DNAJC13: variants seen among roughly 807,000 people sequenced by gnomAD.
DNAJC13 encodes the protein dnaJ homolog subfamily C member 13.
DNAJC13 carries 75 observed loss-of-function variants against 290.5 expected under a neutral mutation model. The observed-to-expected ratio is 0.26, with a 90% CI of 0.21 to 0.31. The LOEUF is 0.31. DNAJC13 is among the 10% of genes least tolerant of loss of function. DNAJC13 has a pLI of 1.00. For synonymous variants in DNAJC13, 862 were observed against 892.0 expected (o/e 0.97, Z 0.60); for missense variants, 2,260 against 2,674.5 (o/e 0.85, Z 3.42).
At position 132,510,577 on chromosome 3, in the gene DNAJC13, A is replaced by C. The variant is rs145076342; in HGVS notation, c.5116-490A>C. Among the ~76,000 whole-genome samples, 174 of 152,242 alleles carry C rather than the reference A, an allele frequency of 1.1e-3. 1 individual carries two copies. Among genetic ancestry groups the C allele is most frequent in the Non-Finnish European group, 1.8e-3 (125 of 68,008 alleles). On this transcript the variant is annotated intron_variant, in intron 43 of 55. Coordinates refer to ENST00000260818, the MANE Select transcript of DNAJC13 (RefSeq NM_015268.4). ...TTGATTTGTTTGTAAAAAGGAAAGA[A>C]GTGAGGCTTTGTTTTAGAGTTTACT...
chr3:132,450,358 T>C (rs138108036), intron 5 of DNAJC13, among the ~76,000 whole-genome samples: 1 of 152,144 alleles, frequency 6.6e-6, no homozygotes, highest in African/African-American at 2.4e-5. Flanking sequence ...TTCCTCTTTT[T>C]TCTTTTTATA....
intron 30 of DNAJC13, 45 bp downstream of exon 30, chr3:132,488,497 T>C: frequency 6.6e-7 from 1 of 1,510,252 alleles, no homozygotes; most frequent in Non-Finnish European, 8.9e-7. Flanking sequence ...TATTTGAATT[T>C]TATATGGACT....
Position 132,500,777 on chromosome 3 carries a change from T to C in DNAJC13, c.4417-17T>C. 6.2e-7 allele frequency: 1 copy of C among 1,612,826 alleles called. No homozygotes were observed. The highest frequency in any genetic ancestry group is 1.1e-5 in the South Asian group (1 of 90,930). On this transcript the variant is annotated splice_polypyrimidine_tract_variant and intron_variant, in intron 38 of 55. Transcript: ENST00000260818. ...TGTGACTCTACTGGTTTTTTTGCTC[T>C]GTTGTGTTGTCTGCAGGTGTGTGGA... is the stretch of plus-strand genomic sequence containing the variant.
intron 48 of DNAJC13, 45 bp from the exon 49 acceptor site, chr3:132,522,782 GT>G: frequency 6.9e-7 from 1 of 1,458,718 alleles, no homozygotes; most frequent in Non-Finnish European, 9.3e-7. Flanking sequence ...AAATATTGAG[GT>G]GTTTCCAATA....
At chr3:132,518,408 AGTG>A (rs1450653951) in intron 48 of DNAJC13, among the ~76,000 whole-genome samples, 1 of 152,218 alleles carries the variant, frequency 6.6e-6, no homozygotes, top group Non-Finnish European at 1.5e-5. Flanking sequence ...CTGAAAGTGC[AGTG>A]GTGCAATCTT....
chr3:132,499,722 C>T lies in DNAJC13; in HGVS notation c.4342-12C>T. The T allele has an allele frequency of 6.2e-7, 1 of 1,613,526 alleles. No homozygotes were observed. The highest frequency in any genetic ancestry group is 8.5e-7 in the Non-Finnish European group (1 of 1,179,746). On this transcript the variant is annotated splice_polypyrimidine_tract_variant and intron_variant, in intron 37 of 55. Transcript: ENST00000260818. The stretch of plus-strand genomic sequence containing the variant: ...AAAATGGAGAGTTAATAGCTGACTT[C>T]TTCCTCTGCAGGTGTTACAAGAGGC...
intron 49 of DNAJC13, 60 bp downstream of exon 49, chr3:132,523,057 ACATTTCTTACTGTG>A: frequency 6.2e-7 from 1 of 1,600,798 alleles, no homozygotes; most frequent in Non-Finnish European, 8.5e-7. Flanking sequence ...GGAAGGGCAA[ACATTTCTTACTGTG>A]CCCATCACCT....
intron 16 of DNAJC13, 146 bp from the exon 17 acceptor site, chr3:132,463,550 T>A: frequency 1.2e-6 from 1 of 838,642 alleles, no homozygotes; most frequent in Non-Finnish European, 1.7e-6. Context: ...ACCTATTTTT[T>A]TTTGGGTGAT....
intron 21 of DNAJC13, among the ~76,000 whole-genome samples, chr3:132,473,852 A>G (rs1934371016): frequency 6.6e-6 from 1 of 152,228 alleles, no homozygotes. Context: ...CTTTTAAAGT[A>G]TACAGTATGT....
At chr3:132,483,297 T>A (rs1222332796) in intron 27 of DNAJC13, 78 bp from the exon 28 acceptor site, 11 of 1,225,988 alleles carry the variant, frequency 9.0e-6, no homozygotes, top group Non-Finnish European at 1.3e-5. Context: ...TTAGTATGTA[T>A]TTACTATAAA....
At chr3:132,532,885 GCACCACCA>G (rs1352489461) in intron 55 of DNAJC13, among the ~76,000 whole-genome samples, 1 of 132,140 alleles carries the variant, frequency 7.6e-6, no homozygotes, top group Non-Finnish European at 1.6e-5. Flanking sequence ...TTATAGGCTT[GCACCACCA>G]CACCCAGCTA....
rs750101117 is a variant in DNAJC13, at chr3:132,523,179, A to C, written c.5866A>C (p.Asn1956His). The change falls in exon 50 of 56, where the codon AAC becomes CAC. Residue 1956 changes from asparagine to histidine, a missense_variant. This residue lies in a region of DNAJC13 where 1,494 missense variants were observed against 1,693.7 expected (regional missense o/e 0.88). Coordinates refer to ENST00000260818, the MANE Select transcript of DNAJC13 (RefSeq NM_015268.4). ...AAGGCACTTTAAAAATCAGCAGGAC[A>C]ACCCTGAGGCAAACTGGAAGGTAAA... is the stretch of plus-strand genomic sequence containing the variant. ...MLEHFKNQQD[N>H]PEANWKLPED... 6.8e-6 allele frequency: 11 copies of C among 1,613,970 alleles called. No individual in the cohort carries two copies. Among genetic ancestry groups the C allele is most frequent in the Non-Finnish European group, 8.5e-6 (10 of 1,179,902 alleles).
chr3:132,453,777 T>C, intron 8 of DNAJC13, 83 bp downstream of exon 8: 13 of 1,186,000 alleles, frequency 1.1e-5, no homozygotes, highest in Non-Finnish European at 1.6e-5. Context: ...TAATGTTTAC[T>C]CATGGCTAAA....
rs1365819101 is a variant in DNAJC13, at chr3:132,453,343, A to G, written c.583A>G (p.Ile195Val). 5 of 1,613,784 alleles carry G rather than the reference A, an allele frequency of 3.1e-6. No homozygotes were observed. The highest frequency in any genetic ancestry group is 1.1e-5 in the South Asian group (1 of 91,086). ...EQREEIIKSA[I>V]DHAGNYIGIS... is the part of the protein sequence containing the mutation. The stretch of plus-strand genomic sequence containing the variant: ...AAGAGAAGAGATTATTAAAAGTGCA[A>G]TAGACCATGCTGGTAACTACATAGG... Residue 195 changes from isoleucine (I) to valine (V), a missense_variant, in exon 7 of 56, where the codon ATA becomes GTA. Physicochemically the swap from Ile to Val is conservative, Grantham distance 29. This residue lies in a region of DNAJC13 where 762 missense variants were observed against 964.1 expected (regional missense o/e 0.79). Transcript: ENST00000260818.
rs775866155 is a variant in DNAJC13, at chr3:132,496,663, G to A, written c.4156G>A (p.Asp1386Asn). 6.3e-7 allele frequency: 1 copy of A among 1,598,982 alleles called. No individual in the cohort carries two copies. The highest frequency in any genetic ancestry group is 1.1e-5 in the South Asian group (1 of 87,804). ...QSILFNRHKE[D>N]LQPYKYAGYP... ...CATCCTCTTCAACCGTCATAAAGAAGGTAAGATGTCTGTTCTCAGATTTTA... is the reference window on the plus strand; with the variant it reads ...CATCCTCTTCAACCGTCATAAAGAAAGTAAGATGTCTGTTCTCAGATTTTA... Residue 1386 changes from aspartate (D) to asparagine (N), a missense_variant and splice_region_variant, in exon 36 of 56, where the codon GAT (aspartate) becomes AAT (asparagine). Asp to Asn is a conservative substitution (Grantham distance 23). Transcript: ENST00000260818.
chr3:132,491,174 C>A lies in DNAJC13; in HGVS notation c.3623+123C>A, dbSNP rs892369545. 37 of 823,434 alleles carry A rather than the reference C, an allele frequency of 4.5e-5. No individual in the cohort carries two copies. In the African/African-American group the frequency reaches 6.0e-4, roughly 13 times the overall value. 51.0% of individuals were successfully genotyped at this position (823,434 alleles called of 1,614,324 possible). On this transcript the variant is annotated intron_variant, in intron 32 of 55. Transcript: ENST00000260818. ...GTTTATAATCTAAAATGACAGTAATCATTGATGCCAAATCAAATGATGGAT... is the reference window on the plus strand; with the variant it reads ...GTTTATAATCTAAAATGACAGTAATAATTGATGCCAAATCAAATGATGGAT...
At chr3:132,478,208 CTAAATT>C in intron 24 of DNAJC13, 68 bp downstream of exon 24, 1 of 1,354,610 alleles carries the variant, frequency 7.4e-7, no homozygotes, top group Non-Finnish European at 1.0e-6. Flanking sequence ...ATTTTAAAAA[CTAAATT>C]TAAATTCTGT....
At chr3:132,481,260 A>C (rs1311688379) in intron 26 of DNAJC13, among the ~76,000 whole-genome samples, 1 of 152,180 alleles carries the variant, frequency 6.6e-6, no homozygotes, top group African/African-American at 2.4e-5. Flanking sequence ...GTATTTAAAA[A>C]CATGTTATTT....
chr3:132,440,021 G>T (rs573849411), intron 2 of DNAJC13, among the ~76,000 whole-genome samples: 29 of 152,316 alleles, frequency 1.9e-4, no homozygotes, highest in African/African-American at 6.7e-4. Context: ...ACTTTGGGAG[G>T]CCAAGGCTGG....
Sources: allele counts gnomAD v4.1 joint callset (sites outside exome capture counted in the v4.1 genomes callset), GRCh38; gene constraint gnomAD v4.1.1; regional missense constraint gnomAD v4.1.1; transcripts MANE v1.5; gene names NCBI Gene and HGNC (gene_info 2026-07-23, HGNC 2026-07-21).